AFF1: variants seen among roughly 807,000 people sequenced by gnomAD.
AFF1 encodes the protein AF4/FMR2 family member 1.
A neutral mutation model predicts 121.7 loss-of-function variants in AFF1; 48 were observed. That is an observed-to-expected ratio of 0.39 (90% CI 0.31 to 0.50). The LOEUF (loss-of-function observed/expected upper bound fraction) is 0.50. Ranked by LOEUF, AFF1 falls within the 20% of genes least tolerant of loss-of-function variation. The pLI, the probability that AFF1 is intolerant of heterozygous loss-of-function variation, is 0.76. For synonymous variants in AFF1, 613 were observed against 563.0 expected (o/e 1.09, Z -1.26); for missense variants, 1,523 against 1,511.7 (o/e 1.01, Z -0.12).
At chr4:87,090,903 T>C (rs912590034) in intron 6 of AFF1, among the ~76,000 whole-genome samples, 1 of 150,686 alleles carries the variant, frequency 6.6e-6, no homozygotes, top group Admixed American at 6.6e-5. Context: ...TAGTCCCAGC[T>C]ACTTGGGAGG....
At chr4:86,994,959 G>A (rs1560525090) in intron 2 of AFF1, among the ~76,000 whole-genome samples, 1 of 152,116 alleles carries the variant, frequency 6.6e-6, no homozygotes, top group Non-Finnish European at 1.5e-5. Context: ...CTGTCTCCAG[G>A]CCAGGCATGG....
At position 86,987,326 on chromosome 4, in the gene AFF1, G is replaced by A. The variant is rs187909763; in HGVS notation, c.38+38755G>A. 2.6e-4 allele frequency among the ~76,000 whole-genome samples: 39 copies of A among 152,214 alleles called. No homozygotes were observed. The East Asian group carries it at 6.9e-3, about 27-fold the overall frequency. ...TTATTTAATGCGTCTACCTCTGGGG[G>A]CAGGAACTTCAGGGCTCACGCTGGA... On this transcript the variant is annotated intron_variant, in intron 2 of 20. Transcript: ENST00000395146.
chr4:87,049,885 T>C (rs185601424), intron 4 of AFF1: 128 of 372,506 alleles, frequency 3.4e-4, no homozygotes, highest in African/African-American at 2.5e-3. Context: ...AGTGGGGATC[T>C]TGGTGCTCCC....
intron 2 of AFF1, among the ~76,000 whole-genome samples, chr4:86,966,003 G>A (rs1722510323): frequency 6.6e-6 from 1 of 151,288 alleles, no homozygotes. Context: ...AATGAATGTG[G>A]TTTTTGGTGT....
At chr4:87,128,306 A>G (rs778130756) in intron 16 of AFF1, among the ~76,000 whole-genome samples, 4 of 152,210 alleles carry the variant, frequency 2.6e-5, no homozygotes, top group Non-Finnish European at 4.4e-5. Flanking sequence ...CTCTTTACCT[A>G]TTGGCTTTTG....
chr4:87,132,457 T>C (rs1400576970), intron 19 of AFF1, 49 bp downstream of exon 19: 68 of 1,542,752 alleles, frequency 4.4e-5, no homozygotes, highest in Non-Finnish European at 5.9e-5. Context: ...GTCATTTCTT[T>C]ATTTACTTCT....
rs1180946850 is a variant in AFF1 at position 86,948,579 on chromosome 4, T to C, written c.38+8T>C. ...CAACAGCAGTGGCAACAGGTAAGCA[T>C]AGAATCTATGATTCAAAGACATGCT... is the stretch of plus-strand genomic sequence containing the variant. On this transcript the variant is annotated splice_region_variant and intron_variant, in intron 2 of 20. Transcript: ENST00000395146. The C allele has an allele frequency of 2.0e-6, 3 of 1,535,388 alleles. No individual in the cohort carries two copies. The African/African-American group carries it at 4.1e-5, about 21-fold the overall frequency.
chr4:87,110,191 CTCTTT>C (rs1454698277), intron 11 of AFF1, among the ~76,000 whole-genome samples: 1 of 148,820 alleles, frequency 6.7e-6, no homozygotes, highest in Non-Finnish European at 1.5e-5. Flanking sequence ...TTTTAACTTT[CTCTTT>C]TCTTTGTCTT....
intron 2 of AFF1, among the ~76,000 whole-genome samples, chr4:86,977,041 T>C (rs984072765): frequency 6.6e-6 from 1 of 152,226 alleles, no homozygotes; most frequent in Admixed American, 6.5e-5. Context: ...GGAAATAATC[T>C]TTGACCTGTT....
chr4:87,082,870 A>G (rs1266678444), intron 4 of AFF1, among the ~76,000 whole-genome samples: 1 of 152,240 alleles, frequency 6.6e-6, no homozygotes, highest in African/African-American at 2.4e-5. Flanking sequence ...ATTAGCAACC[A>G]GTTCTATATT....
chr4:87,054,159 A>T (rs1252848908), intron 4 of AFF1, among the ~76,000 whole-genome samples: 1 of 152,242 alleles, frequency 6.6e-6, no homozygotes, highest in African/African-American at 2.4e-5. Flanking sequence ...GCCTGATAAA[A>T]ATACAAATTG....
At chr4:86,967,141 A>G (rs1722592505) in intron 2 of AFF1, among the ~76,000 whole-genome samples, 1 of 152,208 alleles carries the variant, frequency 6.6e-6, no homozygotes, top group African/African-American at 2.4e-5. Flanking sequence ...TTACAGGAAC[A>G]TGTAGGAGTA....
chr4:86,942,878 C>T (rs1720569104), intron 1 of AFF1, among the ~76,000 whole-genome samples: 1 of 152,146 alleles, frequency 6.6e-6, no homozygotes, highest in African/African-American at 2.4e-5. Flanking sequence ...AACAGTATGC[C>T]AAGTAGCCAC....
At chr4:87,083,159 C>T (rs999819846) in intron 4 of AFF1, among the ~76,000 whole-genome samples, 2 of 152,154 alleles carry the variant, frequency 1.3e-5, no homozygotes, top group African/African-American at 4.8e-5. Flanking sequence ...TGCCTACTTT[C>T]TTTGCTCTTA....
At chr4:87,004,222 TTTAA>T (rs1276481879) in intron 2 of AFF1, among the ~76,000 whole-genome samples, 3 of 152,136 alleles carry the variant, frequency 2.0e-5, no homozygotes, top group Admixed American at 1.3e-4. Context: ...ATATAACACC[TTTAA>T]TTAAAAGAAG....
chr4:87,081,875 T>C (rs1469341933), intron 4 of AFF1, among the ~76,000 whole-genome samples: 1 of 152,150 alleles, frequency 6.6e-6, no homozygotes, highest in Non-Finnish European at 1.5e-5. Context: ...TCAAAATTTC[T>C]TCAGTCCTGG....
chr4:87,041,950 G>T (rs1362236016), intron 2 of AFF1, among the ~76,000 whole-genome samples: 1 of 151,764 alleles, frequency 6.6e-6, no homozygotes, highest in East Asian at 1.9e-4. Context: ...AGGAGGCAGA[G>T]GTTGCAGTGA....
At chr4:87,098,839 G>C (rs1475031620) in intron 8 of AFF1, among the ~76,000 whole-genome samples, 2 of 152,218 alleles carry the variant, frequency 1.3e-5, no homozygotes, top group Non-Finnish European at 2.9e-5. Flanking sequence ...ATTGTCCCTC[G>C]AGTTGGATGA....
At chr4:87,007,436 AC>A (rs1231429076) in intron 2 of AFF1, 4 of 1,613,914 alleles carry the variant, frequency 2.5e-6, no homozygotes, top group Non-Finnish European at 3.4e-6. Flanking sequence ...TAAGCCGTGC[AC>A]CGGAGAAACT....
Sources: allele counts gnomAD v4.1 joint callset (sites outside exome capture counted in the v4.1 genomes callset), GRCh38; gene constraint gnomAD v4.1.1; transcripts MANE v1.5; gene names NCBI Gene and HGNC (gene_info 2026-07-23, HGNC 2026-07-21).